The following FAM228B variants were observed in gnomAD, a reference collection of about 807,000 sequenced individuals.
The protein encoded by FAM228B is family with sequence similarity 228 member B.
FAM228B carries 38 observed loss-of-function variants against 42.6 expected under a neutral mutation model. That is an observed-to-expected ratio of 0.89 (90% CI 0.69 to 1.17). The LOEUF (loss-of-function observed/expected upper bound fraction) is 1.17. FAM228B is among the 50% of genes most tolerant of loss of function. The pLI, the probability that FAM228B is intolerant of heterozygous loss-of-function variation, is 0.00. For synonymous variants in FAM228B, 109 were observed against 122.3 expected, an observed-to-expected ratio of 0.89 and a Z score of 0.72; for missense variants, 344 against 367.3, an observed-to-expected ratio of 0.94 and a Z score of 0.52.
chr2:24,139,485 A>G, intron 5 of FAM228B, 35 bp downstream of exon 5: 2 of 1,342,096 alleles, frequency 1.5e-6, no homozygotes, highest in East Asian at 2.5e-5. Flanking sequence ...CTTTGGTATT[A>G]TGTGTTTGGT....
Position 24,133,821 on chromosome 2 carries a change from A to G in FAM228B, c.100-1298A>G, listed in dbSNP as rs921347662. Among the ~76,000 whole-genome samples the G allele has an allele frequency of 5.3e-5, 8 of 152,230 alleles. No individual in the cohort carries two copies. The East Asian group carries it at 1.5e-3, about 29-fold the overall frequency. ...TAGCACTTTGGGAGGCTGAGGTAGA[A>G]GCATTGCTTGAGCTCAGGAGTTTGA... On this transcript the variant is annotated intron_variant, in intron 2 of 10. Coordinates refer to ENST00000615575, the MANE Select transcript of FAM228B (RefSeq NM_001145710.2).
intron 3 of FAM228B, among the ~76,000 whole-genome samples, chr2:24,098,485 C>G (rs1665545785): frequency 6.6e-6 from 1 of 152,194 alleles, no homozygotes; most frequent in African/African-American, 2.4e-5. Context: ...AAACTACCAT[C>G]AGAGAATACT....
At position 24,081,790 on chromosome 2, in the gene FAM228B, C is replaced by T. The variant is rs1665015592; in HGVS notation, c.-210+835C>T. Among the ~76,000 whole-genome samples the T allele has an allele frequency of 3.3e-5, 5 of 149,728 alleles. 1 individual carries two copies. The South Asian group carries it at 1.1e-3, about 32-fold the overall frequency. ...TGCAAGCTCTGCCCCACCCCCCCTGCGTTCATGCCATTCTCTTGCCTCAGC... is the reference window on the plus strand; with the variant it reads ...TGCAAGCTCTGCCCCACCCCCCCTGTGTTCATGCCATTCTCTTGCCTCAGC... On this transcript the variant is annotated intron_variant, in intron 2 of 10. Coordinates refer to the FAM228B transcript ENST00000613899.
Position 24,095,550 on chromosome 2 carries a change from G to C in FAM228B, c.-121+321G>C, listed in dbSNP as rs1367521647. ...CGAACTGTGAGGCGGCAGCCTGGCT[G>C]GGGGAGGGGCGTCCGCTGTTGCTGA... On this transcript the variant is annotated intron_variant, in intron 3 of 10. Coordinates refer to the FAM228B transcript ENST00000613899. The surrounding 1 kb of genome is among the most constrained non-coding windows in gnomAD (Gnocchi z 4.8). 1 of 152,542 alleles carries C rather than the reference G, an allele frequency of 6.6e-6. No individual in the cohort carries two copies. The highest frequency in any genetic ancestry group is 1.5e-5 in the Non-Finnish European group (1 of 68,274). 9.4% of individuals were successfully genotyped at this position (152,542 alleles called of 1,614,324 possible).
intron 1 of FAM228B, among the ~76,000 whole-genome samples, chr2:24,123,788 A>G (rs1310955490): frequency 1.3e-5 from 2 of 151,768 alleles, no homozygotes; most frequent in Non-Finnish European, 2.9e-5. Context: ...CGCCCGGCCT[A>G]GTGGGTGGGA....
chr2:24,077,448 T>C lies in FAM228B; in HGVS notation c.-290+479T>C, dbSNP rs1664798569. 8.8e-7 allele frequency: 1 copy of C among 1,136,560 alleles called. No individual in the cohort carries two copies. The highest frequency in any genetic ancestry group is 1.2e-6 in the Non-Finnish European group (1 of 843,682). 70.4% of individuals were successfully genotyped at this position (1,136,560 alleles called of 1,614,324 possible). On this transcript the variant is annotated intron_variant, in intron 1 of 10. Transcript: ENST00000613899. This position sits in a 1 kb window ranked among gnomAD's most constrained non-coding sequence, Gnocchi z 5.5. The stretch of plus-strand genomic sequence containing the variant: ...CGTGCCACCCTTCCAGTTCACTCTT[T>C]ATTTCCTCATATCAGCTTTAAACGG...
In FAM228B at chr2:24,077,413, C is replaced by T; in HGVS notation, c.-290+444C>T. 2 of 806,864 alleles carry T rather than the reference C, an allele frequency of 2.5e-6. No individual in the cohort carries two copies. Among genetic ancestry groups the T allele is most frequent in the Non-Finnish European group, 1.8e-6 (1 of 560,812 alleles). 50.0% of individuals were successfully genotyped at this position (806,864 alleles called of 1,614,324 possible). ...TCCCACCTCAACCCCGCCGCGGCGG[C>T]CCCAGTCCGCGTGCCACCCTTCCAG... On this transcript the variant is annotated intron_variant, in intron 1 of 10. Transcript: ENST00000613899. The surrounding 1 kb of genome is among the most constrained non-coding windows in gnomAD (Gnocchi z 5.5).
chr2:24,103,170 C>T (rs1412032451), intron 3 of FAM228B, among the ~76,000 whole-genome samples: 2 of 152,180 alleles, frequency 1.3e-5, no homozygotes, highest in African/African-American at 4.8e-5. Context: ...TGGCACCTTA[C>T]AGTTCTTTTG....
Position 24,147,008 on chromosome 2 carries a change from C to G in FAM228B, c.608C>G (p.Ser203Ter). Residue 203 changes from serine (S) to a stop codon, truncating the protein, a stop_gained, in exon 7 of 11, where the codon TCA becomes TGA. Transcript: ENST00000615575. LOFTEE classifies it high-confidence loss of function. ...TCCAGATTCCCACAAATTTCTAATT[C>G]AAGGCACTTTATAACTCCAAACGAG... ...LHSRFPQISN[S>*]RHFITPNEWL... 6.4e-7 allele frequency: 1 copy of G among 1,551,310 alleles called. No homozygotes were observed. Among genetic ancestry groups the G allele is most frequent in the Non-Finnish European group, 8.7e-7 (1 of 1,146,706 alleles).
chr2:24,078,288 T>TA (rs1406279572), intron 1 of FAM228B, among the ~76,000 whole-genome samples: 1 of 152,106 alleles, frequency 6.6e-6, no homozygotes, highest in Non-Finnish European at 1.5e-5. Context: ...GTCTAAAAAT[T>TA]ACAAAAGCAT....
chr2:24,097,675 A>G (rs1376054002), intron 3 of FAM228B, among the ~76,000 whole-genome samples: 3 of 152,178 alleles, frequency 2.0e-5, no homozygotes, highest in Non-Finnish European at 2.9e-5. Context: ...CTTGCACACA[A>G]TAATAATGGG....
chr2:24,078,724 C>CTTTAAAG, intron 1 of FAM228B, among the ~76,000 whole-genome samples: 1 of 152,094 alleles, frequency 6.6e-6, no homozygotes, highest in South Asian at 2.1e-4. Flanking sequence ...GTGTCTTTAC[C>CTTTAAAG]CAGGAGGCAG....
intron 3 of FAM228B, among the ~76,000 whole-genome samples, chr2:24,111,426 T>C (rs1665793921): frequency 6.6e-6 from 1 of 152,214 alleles, no homozygotes; most frequent in Non-Finnish European, 1.5e-5. Context: ...CATGTTCAAG[T>C]CTTGCAGGCT....
chr2:24,124,648 A>G (rs1558381652), intron 2 of FAM228B, among the ~76,000 whole-genome samples, 188 bp downstream of exon 2: 1 of 152,182 alleles, frequency 6.6e-6, no homozygotes, highest in African/African-American at 2.4e-5. Context: ...AGGTGGAATC[A>G]TAGGTCATTG....
intron 1 of FAM228B, 131 bp downstream of exon 1, chr2:24,123,664 G>A (rs1477709568): frequency 6.6e-6 from 1 of 151,788 alleles, no homozygotes; most frequent in Non-Finnish European, 1.5e-5. Context: ...GGCCTTGGGA[G>A]GGCAGAGAGG....
chr2:24,146,668 A>G, intron 5 of FAM228B, 80 bp from the exon 6 acceptor site: 2 of 896,834 alleles, frequency 2.2e-6, no homozygotes, highest in Non-Finnish European at 3.4e-6. Flanking sequence ...AGCCATCCAT[A>G]TGTGGATGCT....
intron 8 of FAM228B, among the ~76,000 whole-genome samples, chr2:24,163,561 G>T (rs753734396): frequency 2.0e-5 from 3 of 152,106 alleles, no homozygotes; most frequent in Non-Finnish European, 2.9e-5. Flanking sequence ...TGCATATTAG[G>T]GTCCAAAGGA....
At chr2:24,122,860 A>G (rs1006376252), upstream of FAM228B, 1 of 202,916 alleles carries the variant, frequency 4.9e-6, no homozygotes, top group Non-Finnish European at 9.8e-6. Flanking sequence ...AACATTACAC[A>G]CTGAGAAAAA....
At chr2:24,087,706 G>A (rs1157130469) in intron 2 of FAM228B, among the ~76,000 whole-genome samples, 2 of 151,798 alleles carry the variant, frequency 1.3e-5, no homozygotes, top group African/African-American at 4.8e-5. Context: ...CACCTCCTAG[G>A]TTCAAGCGAT....
Sources: gnomAD v4.1 joint callset for allele counts (sites outside exome capture counted in the v4.1 genomes callset) on GRCh38, gnomAD v4.1.1 for gene constraint, Gnocchi (gnomAD v3.1) non-coding constraint, MANE v1.5 for transcripts, NCBI Gene and HGNC (gene_info 2026-07-23, HGNC 2026-07-21) for gene names.